The following CHRM3 variants were observed in gnomAD, a reference collection of about 807,000 sequenced individuals.
CHRM3 encodes the protein cholinergic receptor muscarinic 3.
CHRM3 carries 11 observed loss-of-function variants against 41.8 expected under a neutral mutation model. That is an observed-to-expected ratio of 0.26 (90% CI 0.17 to 0.44). The LOEUF is 0.44. CHRM3 is among the 20% of genes least tolerant of loss of function. The pLI is 1.00. For synonymous variants in CHRM3, 297 were observed against 301.4 expected, an observed-to-expected ratio of 0.99 and a Z score of 0.15; for missense variants, 571 against 745.4, an observed-to-expected ratio of 0.77 and a Z score of 2.72.
chr1:239,618,685 A>T lies in CHRM3; in HGVS notation c.-312-13539A>T, dbSNP rs376199499. Among the ~76,000 whole-genome samples, 297 of 150,984 alleles carry T rather than the reference A, an allele frequency of 2.0e-3. 2 individuals are homozygous for T. Among genetic ancestry groups the T allele is most frequent in the South Asian group, 0.013 (60 of 4,742 alleles). ...CGGTGAAACCCCGTCTCTACTAAAA[A>T]TACAAAAAATTAGCTGGGCGTGGTG... On this transcript the variant is annotated intron_variant, in intron 3 of 6. Coordinates refer to ENST00000676153, the MANE Select transcript of CHRM3 (RefSeq NM_001375978.1).
At chr1:239,473,260 T>A in intron 1 of CHRM3, among the ~76,000 whole-genome samples, 1 of 137,154 alleles carries the variant, frequency 7.3e-6, no homozygotes, top group African/African-American at 3.0e-5. Flanking sequence ...CGTAAGCATA[T>A]TTGAAAAAAA....
chr1:239,666,341 C>T (rs1030710770), intron 4 of CHRM3, among the ~76,000 whole-genome samples: 12 of 143,576 alleles, frequency 8.4e-5, no homozygotes, highest in Non-Finnish European at 1.5e-4. Flanking sequence ...ACTACGGGTG[C>T]CTGCCACCAC....
chr1:239,395,651 G>A (rs972888951), intron 1 of CHRM3, among the ~76,000 whole-genome samples: 11 of 152,238 alleles, frequency 7.2e-5, no homozygotes, highest in African/African-American at 2.4e-4. Context: ...GGCTGGGTTG[G>A]GGCCTGAGAA....
intron 5 of CHRM3, among the ~76,000 whole-genome samples, chr1:239,742,398 A>G (rs901646367): frequency 3.3e-5 from 5 of 152,164 alleles, no homozygotes; most frequent in African/African-American, 1.2e-4. Context: ...CCGGAGCCAG[A>G]TGGCCTAAGA....
chr1:239,394,422 A>G (rs896753012), intron 1 of CHRM3, among the ~76,000 whole-genome samples: 2 of 152,158 alleles, frequency 1.3e-5, no homozygotes, highest in African/African-American at 4.8e-5. Context: ...GTGTGATTGC[A>G]GTGAAGTCCC....
At chr1:239,688,223 A>G (rs992501066) in intron 5 of CHRM3, among the ~76,000 whole-genome samples, 2 of 148,608 alleles carry the variant, frequency 1.3e-5, no homozygotes, top group African/African-American at 2.5e-5. Flanking sequence ...AAACACATGC[A>G]CATATATGTA....
intron 2 of CHRM3, among the ~76,000 whole-genome samples, chr1:239,525,552 A>C (rs1240004635): frequency 6.6e-6 from 1 of 152,232 alleles, no homozygotes; most frequent in Non-Finnish European, 1.5e-5. Flanking sequence ...AAAGTTCAGC[A>C]GAAGTTGAAC....
intron 5 of CHRM3, among the ~76,000 whole-genome samples, chr1:239,802,398 C>T (rs1342991975): frequency 6.6e-6 from 1 of 152,128 alleles, no homozygotes; most frequent in East Asian, 1.9e-4. Flanking sequence ...AGAAATACAG[C>T]AGGAGCTGAA....
At chr1:239,551,407 C>A (rs963986108) in intron 3 of CHRM3, among the ~76,000 whole-genome samples, 1 of 151,432 alleles carries the variant, frequency 6.6e-6, no homozygotes, top group South Asian at 2.1e-4. Flanking sequence ...GGTAATCCAC[C>A]CACCTCAACC....
chr1:239,644,230 A>C (rs1671525253), intron 4 of CHRM3, among the ~76,000 whole-genome samples: 1 of 152,190 alleles, frequency 6.6e-6, no homozygotes, highest in Admixed American at 6.5e-5. Context: ...CTGCAAATGG[A>C]CAGAAGCAGA....
chr1:239,767,368 G>A (rs1285344232), intron 5 of CHRM3, among the ~76,000 whole-genome samples: 3 of 152,134 alleles, frequency 2.0e-5, no homozygotes, highest in East Asian at 3.9e-4. Flanking sequence ...CCAGAGGAAA[G>A]GAGGGGATGC....
chr1:239,764,687 T>C (rs2148676877), intron 5 of CHRM3, among the ~76,000 whole-genome samples: 1 of 152,332 alleles, frequency 6.6e-6, no homozygotes, highest in African/African-American at 2.4e-5. Context: ...CAGGCAAATC[T>C]CCAACTATGG....
chr1:239,399,764 G>T (rs1659810216), intron 1 of CHRM3, among the ~76,000 whole-genome samples: 1 of 66,204 alleles, frequency 1.5e-5, no homozygotes, highest in African/African-American at 4.7e-5. Flanking sequence ...CACTTAGTTT[G>T]GTTCCATATT....
At position 239,535,316 on chromosome 1, in the gene CHRM3, A is replaced by C. The variant is rs1658086108; in HGVS notation, c.-421-10325A>C. On this transcript the variant is annotated intron_variant, in intron 2 of 6. Transcript: ENST00000676153. ...AAAGGTTAATATTGGTATTATGTAC[A>C]TCTCATACCTAACGCAAAAACCTCT... Among the ~76,000 whole-genome samples, 3 of 151,938 alleles carry C rather than the reference A, an allele frequency of 2.0e-5. No individual in the cohort carries two copies. In the South Asian group the frequency reaches 6.2e-4, roughly 32 times the overall value.
At chr1:239,516,697 T>C (rs925534280) in intron 2 of CHRM3, among the ~76,000 whole-genome samples, 1 of 152,194 alleles carries the variant, frequency 6.6e-6, no homozygotes, top group Non-Finnish European at 1.5e-5. Flanking sequence ...AGATAGGTAC[T>C]GGTCTGCTAT....
chr1:239,698,184 G>A (rs1009400940), intron 5 of CHRM3, among the ~76,000 whole-genome samples: 10 of 152,136 alleles, frequency 6.6e-5, no homozygotes, highest in Non-Finnish European at 1.0e-4. Flanking sequence ...ACTGTGTACC[G>A]TGACAGGTAT....
chr1:239,489,961 C>T (rs1012549019), intron 1 of CHRM3, among the ~76,000 whole-genome samples: 1 of 152,120 alleles, frequency 6.6e-6, no homozygotes, highest in African/African-American at 2.4e-5. Context: ...CAGATGTTAA[C>T]AATAGACTAC....
intron 2 of CHRM3, among the ~76,000 whole-genome samples, chr1:239,530,317 A>G (rs975486635): frequency 3.9e-5 from 6 of 152,180 alleles, no homozygotes; most frequent in Non-Finnish European, 8.8e-5. Context: ...TCAGCTTTCT[A>G]TCCCAACAAA....
rs370829857 is a variant in CHRM3 at position 239,709,775 on chromosome 1, T to C, written c.-147+31487T>C. 5.3e-5 allele frequency among the ~76,000 whole-genome samples: 8 copies of C among 152,314 alleles called. No individual in the cohort carries two copies. In the East Asian group the frequency reaches 1.4e-3, roughly 26 times the overall value. ...GGACGTTCCACTTAAGTAGCTAAAT[T>C]TGAAATTAAAGAGATTAACCAGTGA... On this transcript the variant is annotated intron_variant, in intron 5 of 6. Coordinates refer to ENST00000676153, the MANE Select transcript of CHRM3 (RefSeq NM_001375978.1).
Sources: allele counts gnomAD v4.1 joint callset (sites outside exome capture counted in the v4.1 genomes callset), GRCh38; gene constraint gnomAD v4.1.1; transcripts MANE v1.5; gene names NCBI Gene and HGNC (gene_info 2026-07-23, HGNC 2026-07-21).